Variants in SDK2 observed in about 807,000 individuals in gnomAD.
SDK2 encodes protein sidekick-2.
A neutral mutation model predicts 253.9 loss-of-function variants in SDK2; 105 were observed. That is an observed-to-expected ratio of 0.41 (90% CI 0.35 to 0.49). The LOEUF is 0.49. Ranked by LOEUF, SDK2 falls within the 20% of genes least tolerant of loss-of-function variation. The pLI is 0.06. For missense variants in SDK2, 2,608 were observed against 3,003.0 expected, an observed-to-expected ratio of 0.87 and a Z score of 3.07; for synonymous variants, 1,249 against 1,234.9, an observed-to-expected ratio of 1.01 and a Z score of -0.24.
intron 1 of SDK2, among the ~76,000 whole-genome samples, chr17:73,598,714 C>T (rs981283377): frequency 6.6e-6 from 1 of 152,172 alleles, no homozygotes; most frequent in Non-Finnish European, 1.5e-5. Context: ...CAGCCCATCC[C>T]CCTCCAGGGA....
At chr17:73,396,941 A>G (rs1433997008) in intron 24 of SDK2, among the ~76,000 whole-genome samples, 3 of 152,354 alleles carry the variant, frequency 2.0e-5, no homozygotes, top group Non-Finnish European at 4.4e-5. Flanking sequence ...ACTGCAATCA[A>G]TAACTCATAT....
chr17:73,586,236 C>T (rs1216678016), intron 1 of SDK2, among the ~76,000 whole-genome samples: 4 of 152,126 alleles, frequency 2.6e-5, no homozygotes, highest in African/African-American at 9.7e-5. Flanking sequence ...GCTAGCTCTC[C>T]CTGCCCTCCT....
At chr17:73,409,870 T>G (rs2063111992) in intron 18 of SDK2, among the ~76,000 whole-genome samples, 1 of 152,198 alleles carries the variant, frequency 6.6e-6, no homozygotes, top group Non-Finnish European at 1.5e-5. Flanking sequence ...TCTTTCTTTT[T>G]TTGACACAGG....
chr17:73,449,546 G>A (rs1599576991), intron 4 of SDK2, among the ~76,000 whole-genome samples: 1 of 151,200 alleles, frequency 6.6e-6, no homozygotes, highest in African/African-American at 2.4e-5. Flanking sequence ...TGGGAAGCAG[G>A]AAGCCAAGCC....
At chr17:73,445,423 G>T (rs1036859813) in intron 5 of SDK2, among the ~76,000 whole-genome samples, 2 of 152,200 alleles carry the variant, frequency 1.3e-5, no homozygotes, top group Admixed American at 1.3e-4. Flanking sequence ...CAAGCATGGG[G>T]TTTTCAGGAG....
At chr17:73,472,053 T>A in intron 3 of SDK2, 59 bp downstream of exon 3, 1 of 1,225,900 alleles carries the variant, frequency 8.2e-7, no homozygotes, top group Non-Finnish European at 1.2e-6. Flanking sequence ...ATGTGGCTGG[T>A]GGGTGCCACT....
chr17:73,336,035 C>T lies in SDK2; in HGVS notation c.*2552G>A, dbSNP rs1334029503. 2 of 152,176 alleles carry T rather than the reference C, an allele frequency of 1.3e-5. No homozygotes were observed. Among genetic ancestry groups the T allele is most frequent in the Non-Finnish European group, 2.9e-5 (2 of 68,044 alleles). 9.4% of individuals were successfully genotyped at this position (152,176 alleles called of 1,614,324 possible). A position where few individuals can be genotyped will look rare whatever the true frequency, so the allele number is the denominator to read the frequency against. Reference sequence around the variant, plus strand: ...AAATTGACCTCATGTGCAATATATACACAGACACAATGTTTTTACTCACTC... The same window carrying T: ...AAATTGACCTCATGTGCAATATATATACAGACACAATGTTTTTACTCACTC... On this transcript the variant is annotated 3_prime_UTR_variant, in exon 45 of 45. Transcript: ENST00000392650.
chr17:73,364,912 C>T (rs2062671012), intron 38 of SDK2, among the ~76,000 whole-genome samples: 2 of 152,130 alleles, frequency 1.3e-5, no homozygotes, highest in African/African-American at 2.4e-5. Context: ...CGTGAGCCAC[C>T]GTCCTTGGCT....
At chr17:73,592,574 T>A (rs765838982) in intron 1 of SDK2, among the ~76,000 whole-genome samples, 6 of 152,140 alleles carry the variant, frequency 3.9e-5, no homozygotes, top group Non-Finnish European at 8.8e-5. Flanking sequence ...CTTCCAGAAA[T>A]GTGACTGTCT....
In SDK2 at chr17:73,430,589, G is replaced by T. The variant is rs1323830193; in HGVS notation, c.1505C>A (p.Pro502His). ...VWARTRITKP[P>H]QDQSVIKGTQ... ...GCCCTTGATGACACTCTGATCCTGG[G>T]GGGGCTTGGTGATGCGGGTCCGAGC... Residue 502 changes from proline (P) to histidine (H), a missense_variant, in exon 12 of 45, where the codon CCC becomes CAC. Physicochemically the swap from Pro to His is moderately conservative, Grantham distance 77. Around this residue, in one of 2 missense-constraint regions of SDK2, gnomAD observed 1,505 missense variants for 1,859.1 expected, o/e 0.81. Transcript: ENST00000392650. The T allele has an allele frequency of 3.2e-6, 5 of 1,584,290 alleles. No individual in the cohort carries two copies. Among genetic ancestry groups the T allele is most frequent in the East Asian group, 2.3e-5 (1 of 43,018 alleles).
At chr17:73,396,328 G>A (rs2062970633) in intron 24 of SDK2, among the ~76,000 whole-genome samples, 1 of 152,110 alleles carries the variant, frequency 6.6e-6, no homozygotes, top group Admixed American at 6.5e-5. Context: ...ACAGGGAGGG[G>A]AGCCCAGGGC....
intron 1 of SDK2, among the ~76,000 whole-genome samples, chr17:73,554,205 G>A (rs756773986): frequency 2.6e-5 from 4 of 152,128 alleles, no homozygotes; most frequent in Admixed American, 1.3e-4. Flanking sequence ...AGTGCTTTGC[G>A]CAATGCCAGG....
intron 1 of SDK2, among the ~76,000 whole-genome samples, chr17:73,566,553 G>C (rs976345343): frequency 1.3e-5 from 2 of 152,230 alleles, no homozygotes; most frequent in African/African-American, 4.8e-5. Context: ...ACTTCTTAGC[G>C]ACTAGTTAAA....
At chr17:73,410,517 C>A (rs2063116953) in intron 18 of SDK2, among the ~76,000 whole-genome samples, 1 of 152,062 alleles carries the variant, frequency 6.6e-6, no homozygotes, top group Non-Finnish European at 1.5e-5. Flanking sequence ...AAGGTTTCAC[C>A]ATATTGGCCA....
intron 1 of SDK2, among the ~76,000 whole-genome samples, chr17:73,547,015 T>C (rs994536520): frequency 6.6e-6 from 1 of 152,220 alleles, no homozygotes; most frequent in Non-Finnish European, 1.5e-5. Context: ...AGCCAGGCAC[T>C]GATCCAGGTG....
intron 16 of SDK2, among the ~76,000 whole-genome samples, chr17:73,417,383 G>A (rs1356232812): frequency 6.6e-6 from 1 of 151,004 alleles, no homozygotes; most frequent in Non-Finnish European, 1.5e-5. Context: ...TCCAGCCTGG[G>A]CAATGGAGTG....
At chr17:73,462,062 C>A (rs1048257758) in intron 3 of SDK2, among the ~76,000 whole-genome samples, 2 of 149,980 alleles carry the variant, frequency 1.3e-5, no homozygotes, top group African/African-American at 4.9e-5. Flanking sequence ...TGCTTATGTG[C>A]ATATTTACAT....
rs2045996909 is a variant in SDK2 at position 73,612,994 on chromosome 17, G to T, written c.64+31031C>A. The stretch of plus-strand genomic sequence containing the variant: ...GTTTAGTATACACCAGGCTCTGTGC[G>T]ACATGCTGTCTGATCTGCCACCAAC... On this transcript the variant is annotated intron_variant, in intron 1 of 44. Transcript: ENST00000392650. The surrounding 1 kb of genome is among the most constrained non-coding windows in gnomAD (Gnocchi z 4.4). Among the ~76,000 whole-genome samples, 1 of 152,178 alleles carries T rather than the reference G, an allele frequency of 6.6e-6. No homozygotes were observed. The highest frequency in any genetic ancestry group is 2.4e-5 in the African/African-American group (1 of 41,440).
intron 2 of SDK2, among the ~76,000 whole-genome samples, chr17:73,506,067 CA>C (rs1207503481): frequency 1.3e-5 from 2 of 152,248 alleles, no homozygotes; most frequent in African/African-American, 4.8e-5. Flanking sequence ...CGGAAGAAGT[CA>C]GGGGCAGGCT....
Sources: allele counts gnomAD v4.1 joint callset (sites outside exome capture counted in the v4.1 genomes callset), GRCh38; gene constraint gnomAD v4.1.1; regional missense constraint gnomAD v4.1.1; non-coding constraint Gnocchi (gnomAD v3.1); transcripts MANE v1.5; gene names NCBI Gene and HGNC (gene_info 2026-07-23, HGNC 2026-07-21).